SPTBN1: variants seen among roughly 807,000 people sequenced by gnomAD.
The protein encoded by SPTBN1 is spectrin beta, non-erythrocytic 1.
SPTBN1 carries 32 observed loss-of-function variants against 266.4 expected under a neutral mutation model. The ratio of observed to expected loss-of-function variants is 0.12; its 90% CI spans 0.09 to 0.16. The LOEUF (loss-of-function observed/expected upper bound fraction) is 0.16. Ranked by LOEUF, SPTBN1 falls within the 10% of genes least tolerant of loss-of-function variation. SPTBN1 has a pLI of 1.00. For missense variants in SPTBN1, 2,296 were observed against 3,067.1 expected (o/e 0.75, Z 5.94); for synonymous variants, 1,336 against 1,162.2 (o/e 1.15, Z -3.04).
chr2:54,613,501 C>G (rs1249115570), intron 4 of SPTBN1, among the ~76,000 whole-genome samples: 1 of 152,158 alleles, frequency 6.6e-6, no homozygotes, highest in Admixed American at 6.5e-5. Context: ...GGGTAGGGGA[C>G]TAGAATGAGT....
At chr2:54,564,349 T>A (rs1182761992) in intron 2 of SPTBN1, among the ~76,000 whole-genome samples, 1 of 152,182 alleles carries the variant, frequency 6.6e-6, no homozygotes, top group Non-Finnish European at 1.5e-5. Context: ...GATGGTTCCA[T>A]GTCATCACCT....
At chr2:54,611,892 C>T (rs1047021144) in intron 3 of SPTBN1, among the ~76,000 whole-genome samples, 43 of 152,190 alleles carry the variant, frequency 2.8e-4, no homozygotes, top group Non-Finnish European at 6.3e-4. Flanking sequence ...TCTCTCTTCC[C>T]TGAACTTAAA....
chr2:54,602,956 C>T (rs567069787), intron 3 of SPTBN1, among the ~76,000 whole-genome samples: 7 of 152,262 alleles, frequency 4.6e-5, no homozygotes, highest in African/African-American at 1.2e-4. Context: ...TTCTTAAAAA[C>T]GTCATTTGTA....
chr2:54,492,174 G>C (rs958521420), intron 1 of SPTBN1, among the ~76,000 whole-genome samples: 1 of 151,886 alleles, frequency 6.6e-6, no homozygotes, highest in Admixed American at 6.6e-5. Context: ...TCCAGTTTAC[G>C]GTTTGCGCTC....
In SPTBN1 at chr2:54,618,028, T is replaced by C. The variant is rs1253835629; in HGVS notation, c.648-50T>C. The C allele has an allele frequency of 2.1e-6, 3 of 1,452,284 alleles. No homozygotes were observed. In the South Asian group the frequency reaches 3.5e-5, roughly 17 times the overall value. 90.0% of individuals were successfully genotyped at this position (1,452,284 alleles called of 1,614,324 possible). A position where few individuals can be genotyped will look rare whatever the true frequency, so the allele number is the denominator to read the frequency against. On this transcript the variant is annotated intron_variant, in intron 6 of 35. Transcript: ENST00000356805. ...TAACAGTCATGTTTCATTAGTCATA[T>C]TTCTTTTCAAGCCATGATTTTTGTT...
At position 54,519,402 on chromosome 2, in the gene SPTBN1, CT is replaced by C. The variant is rs1558799156; in HGVS notation, c.-47-6969del. On this transcript the variant is annotated intron_variant, in intron 1 of 35. Coordinates refer to ENST00000356805, the MANE Select transcript of SPTBN1 (RefSeq NM_003128.3). ...GCATGTGGGCACTGTCTAAGGTTGTCTAATTCAGACCAGGTGGTGGTGGTGG... is the reference window on the plus strand; with the variant it reads ...GCATGTGGGCACTGTCTAAGGTTGTCAATTCAGACCAGGTGGTGGTGGTGG... Among the ~76,000 whole-genome samples, 103 of 152,222 alleles carry C rather than the reference CT, an allele frequency of 6.8e-4. 1 individual carries two copies. Among genetic ancestry groups the C allele is most frequent in the African/African-American group, 2.3e-3 (97 of 41,534 alleles).
In SPTBN1 at chr2:54,624,335, C is replaced by T. The variant is rs755890008; in HGVS notation, c.1183-469C>T. On this transcript the variant is annotated intron_variant, in intron 10 of 35. Coordinates refer to ENST00000356805, the MANE Select transcript of SPTBN1 (RefSeq NM_003128.3). The stretch of plus-strand genomic sequence containing the variant: ...TTTTTTTAGGTGAAGAAATAGATTT[C>T]CTAGGAATGAATTTAATATGGACAG... Among the ~76,000 whole-genome samples the T allele has an allele frequency of 1.8e-4, 27 of 151,958 alleles. No individual in the cohort carries two copies. In the South Asian group the frequency reaches 1.9e-3, roughly 11 times the overall value.
chr2:54,645,216 T>A lies in SPTBN1; in HGVS notation c.4270-13T>A. 1 of 1,613,762 alleles carries A rather than the reference T, an allele frequency of 6.2e-7. No homozygotes were observed. Among genetic ancestry groups the A allele is most frequent in the Non-Finnish European group, 8.5e-7 (1 of 1,179,720 alleles). On this transcript the variant is annotated splice_polypyrimidine_tract_variant and intron_variant, in intron 20 of 35. Transcript: ENST00000356805. This position sits in a 1 kb window ranked among gnomAD's most constrained non-coding sequence, Gnocchi z 4.3. ...GTCTGTGCTGAGCGCTGAGGCTGCT[T>A]CTCTGCCCTCAGATGCTGGAGAATC...
intron 2 of SPTBN1, among the ~76,000 whole-genome samples, chr2:54,571,779 G>C (rs1674104552): frequency 1.3e-5 from 2 of 152,128 alleles, no homozygotes; most frequent in Non-Finnish European, 2.9e-5. Context: ...TGAATGAGTA[G>C]GTAAAGTAAT....
chr2:54,571,037 C>A (rs755803337), intron 2 of SPTBN1, among the ~76,000 whole-genome samples: 18 of 152,068 alleles, frequency 1.2e-4, no homozygotes, highest in Non-Finnish European at 2.4e-4. Context: ...ACAATTCAGT[C>A]TTGCAATGAC....
At chr2:54,618,729 G>A (rs1210796692) in intron 7 of SPTBN1, among the ~76,000 whole-genome samples, 1 of 152,228 alleles carries the variant, frequency 6.6e-6, no homozygotes, top group African/African-American at 2.4e-5. Context: ...GGCCTTGTTA[G>A]GAGGCTGTGC....
chr2:54,481,985 A>T (rs570901664), intron 1 of SPTBN1, among the ~76,000 whole-genome samples: 7 of 152,226 alleles, frequency 4.6e-5, no homozygotes, highest in African/African-American at 1.7e-4. Context: ...TTCCTTTATA[A>T]AGCAGCCCAT....
rs142267006 is a variant in SPTBN1 at position 54,493,745 on chromosome 2, G to T, written c.-47-32627G>T. Among the ~76,000 whole-genome samples the T allele has an allele frequency of 3.3e-3, 499 of 152,256 alleles. 2 individuals are homozygous for T. The highest frequency in any genetic ancestry group is 0.017 in the Middle Eastern group (5 of 294). ...AATTTAGGTTAAAATTGAAGAAGAG[G>T]GTCCAAGACTAAGTGCCAACATAGA... On this transcript the variant is annotated intron_variant, in intron 1 of 35. Transcript: ENST00000356805.
Position 54,593,823 on chromosome 2 carries a change from C to CTTTTTTTTTTTTT in SPTBN1, c.149-5254_149-5242dup, listed in dbSNP as rs374877354. Among the ~76,000 whole-genome samples, 10 of 64,794 alleles carry CTTTTTTTTTTTTT rather than the reference C, an allele frequency of 1.5e-4. 1 individual carries two copies. Among genetic ancestry groups the CTTTTTTTTTTTTT allele is most frequent in the Middle Eastern group, 0.016 (1 of 62 alleles). The allele number at this position is 64,794 out of a possible 152,430, so 42.5% of individuals were successfully genotyped here. On this transcript the variant is annotated intron_variant, in intron 2 of 35. Transcript: ENST00000356805. ...TTCTAAGTCTTGTATCATGGAAACA[C>CTTTTTTTTTTTTT]TTTTTTTTTTTTTTTTTTTTTTTTT...
chr2:54,550,412 C>G (rs1173395052), intron 2 of SPTBN1, among the ~76,000 whole-genome samples: 1 of 152,164 alleles, frequency 6.6e-6, no homozygotes, highest in African/African-American at 2.4e-5. Context: ...TTTTAACACA[C>G]CAGGGCTGCA....
chr2:54,467,020 C>G (rs1466637401), intron 1 of SPTBN1, among the ~76,000 whole-genome samples: 1 of 151,970 alleles, frequency 6.6e-6, no homozygotes, highest in African/African-American at 2.4e-5. Flanking sequence ...GAGCGCCTGA[C>G]AGAAACATTG....
chr2:54,639,640 G>A (rs1277275270), intron 18 of SPTBN1, among the ~76,000 whole-genome samples: 4 of 152,230 alleles, frequency 2.6e-5, no homozygotes, highest in African/African-American at 7.2e-5. Flanking sequence ...AAAGTAAGTA[G>A]ATAAAGTTAC....
At chr2:54,614,657 G>T (rs910643568) in intron 4 of SPTBN1, among the ~76,000 whole-genome samples, 1 of 152,050 alleles carries the variant, frequency 6.6e-6, no homozygotes, top group Non-Finnish European at 1.5e-5. Flanking sequence ...ACAAAAATTA[G>T]CCAGGTGTGG....
intron 7 of SPTBN1, among the ~76,000 whole-genome samples, chr2:54,620,265 C>CT (rs1558435158): frequency 6.6e-6 from 1 of 152,132 alleles, no homozygotes; most frequent in Admixed American, 6.5e-5. Flanking sequence ...AAAAAGTGGA[C>CT]TATGTGTCCA....
Sources: allele counts gnomAD v4.1 joint callset (sites outside exome capture counted in the v4.1 genomes callset), GRCh38; gene constraint gnomAD v4.1.1; non-coding constraint Gnocchi (gnomAD v3.1); transcripts MANE v1.5; gene names NCBI Gene and HGNC (gene_info 2026-07-23, HGNC 2026-07-21).